The following TMEM132D variants were observed in gnomAD, a reference collection of about 807,000 sequenced individuals.
TMEM132D encodes transmembrane protein 132D, also known as mature OL transmembrane protein.
A neutral mutation model predicts 62.3 loss-of-function variants in TMEM132D; 21 were observed. The observed-to-expected ratio is 0.34, with a 90% CI of 0.24 to 0.49. The LOEUF (loss-of-function observed/expected upper bound fraction) is 0.49, where lower values mean the gene tolerates loss of function less well. Ranked by LOEUF, TMEM132D falls within the 20% of genes least tolerant of loss-of-function variation. TMEM132D has a pLI of 0.99. For missense variants in TMEM132D, 1,346 were observed against 1,402.8 expected (o/e 0.96, Z 0.65); for synonymous variants, 621 against 575.6 (o/e 1.08, Z -1.13).
At chr12:129,824,541 C>T (rs150159286) in intron 1 of TMEM132D, among the ~76,000 whole-genome samples, 124 of 152,082 alleles carry the variant, frequency 8.2e-4, no homozygotes, top group South Asian at 4.4e-3. Flanking sequence ...GAGGTCACAA[C>T]GGTGGGGGCC....
intron 1 of TMEM132D, among the ~76,000 whole-genome samples, chr12:129,832,010 C>T (rs1422616985): frequency 6.8e-6 from 1 of 147,158 alleles, no homozygotes; most frequent in Non-Finnish European, 1.5e-5. Flanking sequence ...GCTGGGACGA[C>T]AGGCACCTGC....
intron 3 of TMEM132D, among the ~76,000 whole-genome samples, chr12:129,478,718 T>C (rs1349261832): frequency 6.6e-6 from 1 of 152,148 alleles, no homozygotes; most frequent in Non-Finnish European, 1.5e-5. Flanking sequence ...TTCCGCTCTT[T>C]AGATCAGAGG....
intron 3 of TMEM132D, among the ~76,000 whole-genome samples, chr12:129,450,489 T>G (rs1189569008): frequency 6.6e-6 from 1 of 152,198 alleles, no homozygotes; most frequent in Non-Finnish European, 1.5e-5. Context: ...TGCTTGGATT[T>G]CATAGTCTAA....
At chr12:129,449,816 G>T (rs1593013522) in intron 3 of TMEM132D, among the ~76,000 whole-genome samples, 1 of 152,336 alleles carries the variant, frequency 6.6e-6, no homozygotes, top group African/African-American at 2.4e-5. Context: ...CGACTCCCCA[G>T]ACAGAAGCAA....
At chr12:129,498,490 G>A (rs111515115) in intron 3 of TMEM132D, among the ~76,000 whole-genome samples, 12,250 of 152,214 alleles carry the variant, frequency 0.08, 574 homozygotes, top group South Asian at 0.17. Flanking sequence ...CTGGCCTCAA[G>A]TGATCCACCC....
intron 1 of TMEM132D, among the ~76,000 whole-genome samples, chr12:129,745,570 CTTTCA>C (rs1869750529): frequency 6.6e-6 from 1 of 152,170 alleles, no homozygotes; most frequent in African/African-American, 2.4e-5. Flanking sequence ...TCCTTCACTT[CTTTCA>C]TTTCAAGATG....
Position 129,366,222 on chromosome 12 carries a change from C to T in TMEM132D, c.1116-28405G>A, listed in dbSNP as rs1870408455. ...TGTTATTGTTTGGTCTGTGTCCCCG[C>T]CCAAATCTCCTGTTGAATTGTAATC... On this transcript the variant is annotated intron_variant, in intron 3 of 8. Coordinates refer to ENST00000422113, the MANE Select transcript of TMEM132D (RefSeq NM_133448.3). Among the ~76,000 whole-genome samples the T allele has an allele frequency of 2.0e-5, 3 of 152,144 alleles. No individual in the cohort carries two copies. The South Asian group carries it at 6.2e-4, about 32-fold the overall frequency.
At chr12:129,840,999 C>T (rs953014414) in intron 1 of TMEM132D, among the ~76,000 whole-genome samples, 11 of 152,164 alleles carry the variant, frequency 7.2e-5, no homozygotes, top group African/African-American at 2.7e-4. Context: ...GGTTACAGAA[C>T]TGGGGGAGTC....
At chr12:129,295,252 T>C (rs549164832) in intron 4 of TMEM132D, among the ~76,000 whole-genome samples, 11 of 150,960 alleles carry the variant, frequency 7.3e-5, no homozygotes, top group Admixed American at 2.6e-4. Context: ...GGAACACTGC[T>C]GGCTAGACGC....
intron 3 of TMEM132D, among the ~76,000 whole-genome samples, chr12:129,471,140 C>G (rs1049586790): frequency 6.6e-6 from 1 of 151,814 alleles, no homozygotes; most frequent in African/African-American, 2.4e-5. Context: ...ATTAGGAATC[C>G]TAATTAGGCT....
chr12:129,325,349 G>A (rs560583697), intron 4 of TMEM132D, among the ~76,000 whole-genome samples: 1 of 152,298 alleles, frequency 6.6e-6, no homozygotes, highest in Admixed American at 6.5e-5. Context: ...TTCTTTAGAC[G>A]GGGTGGTCAG....
At chr12:129,622,053 C>T (rs1260762640) in intron 2 of TMEM132D, among the ~76,000 whole-genome samples, 1 of 152,204 alleles carries the variant, frequency 6.6e-6, no homozygotes, top group Non-Finnish European at 1.5e-5. Flanking sequence ...GAGGCAACTT[C>T]CTTTCGCAAA....
At chr12:129,548,618 T>A (rs1286957743) in intron 2 of TMEM132D, among the ~76,000 whole-genome samples, 1 of 152,138 alleles carries the variant, frequency 6.6e-6, no homozygotes, top group Non-Finnish European at 1.5e-5. Context: ...CTATCCAACA[T>A]CACAGAAGAG....
chr12:129,131,227 TA>T (rs764483368), intron 5 of TMEM132D, among the ~76,000 whole-genome samples: 4 of 152,150 alleles, frequency 2.6e-5, no homozygotes, highest in Non-Finnish European at 5.9e-5. Context: ...ACAGGGCACT[TA>T]AGGGAGCATT....
chr12:129,825,921 T>C (rs549464414), intron 1 of TMEM132D, among the ~76,000 whole-genome samples: 1 of 152,150 alleles, frequency 6.6e-6, no homozygotes, highest in East Asian at 1.9e-4. Flanking sequence ...AAAAATTAGC[T>C]GGCATGGTGG....
intron 4 of TMEM132D, among the ~76,000 whole-genome samples, chr12:129,283,754 G>C (rs759700408): frequency 2.7e-4 from 41 of 152,288 alleles, no homozygotes; most frequent in Non-Finnish European, 5.0e-4. Flanking sequence ...ACTGCCCTAA[G>C]ACAGAGGCAT....
intron 3 of TMEM132D, among the ~76,000 whole-genome samples, chr12:129,358,761 G>A (rs754476296): frequency 2.0e-4 from 31 of 152,148 alleles, no homozygotes; most frequent in Non-Finnish European, 4.0e-4. Context: ...CTTGGGATGT[G>A]AACCCCAATG....
intron 2 of TMEM132D, among the ~76,000 whole-genome samples, chr12:129,552,409 C>CATCTACCT (rs1268545727): frequency 6.6e-6 from 1 of 152,116 alleles, no homozygotes; most frequent in Non-Finnish European, 1.5e-5. Flanking sequence ...ATACATCTAT[C>CATCTACCT]ATCTACCTAT....
At chr12:129,473,561 C>A (rs1287685025) in intron 3 of TMEM132D, among the ~76,000 whole-genome samples, 128 of 152,012 alleles carry the variant, frequency 8.4e-4, no homozygotes, top group South Asian at 6.2e-4. Context: ...GAACCCCTGG[C>A]CTGCAGTGAT....
Sources: allele counts gnomAD v4.1 joint callset (sites outside exome capture counted in the v4.1 genomes callset), GRCh38; gene constraint gnomAD v4.1.1; transcripts MANE v1.5; gene names NCBI Gene and HGNC (gene_info 2026-07-23, HGNC 2026-07-21).